The following SGMS1 variants were observed in gnomAD, a reference collection of about 807,000 sequenced individuals.
SGMS1 encodes the protein phosphatidylcholine:ceramide cholinephosphotransferase 1.
In SGMS1, 13 loss-of-function variants were observed where a neutral mutation model predicts 46.2. The observed-to-expected ratio is 0.28, with a 90% CI of 0.18 to 0.45. The LOEUF is 0.45. Ranked by LOEUF, SGMS1 falls within the 20% of genes least tolerant of loss-of-function variation. The pLI is 1.00. For missense variants in SGMS1, 324 were observed against 519.9 expected (o/e 0.62, Z 3.66); for synonymous variants, 203 against 187.8 (o/e 1.08, Z -0.66).
In SGMS1 at chr10:50,596,747, G is replaced by A. The variant is rs190851935; in HGVS notation, c.-683-6500C>T. Among the ~76,000 whole-genome samples the A allele has an allele frequency of 5.2e-3, 785 of 152,312 alleles. 7 individuals carry two copies. Among genetic ancestry groups the A allele is most frequent in the South Asian group, 0.025 (122 of 4,826 alleles). On this transcript the variant is annotated intron_variant, in intron 1 of 10. Coordinates refer to ENST00000361781, the MANE Select transcript of SGMS1 (RefSeq NM_147156.4). ...CTAACATTTACTCAGAATACATCATGAGCCAGATCTCCTGCTCAGCATGTT... is the reference window on the plus strand; with the variant it reads ...CTAACATTTACTCAGAATACATCATAAGCCAGATCTCCTGCTCAGCATGTT...
chr10:50,494,032 C>T (rs190685805), intron 3 of SGMS1, among the ~76,000 whole-genome samples: 46 of 152,318 alleles, frequency 3.0e-4, no homozygotes, highest in African/African-American at 1.1e-3. Flanking sequence ...CTCCTGGCCT[C>T]GTGATCCACC....
At chr10:50,444,337 G>A (rs373992511) in intron 5 of SGMS1, among the ~76,000 whole-genome samples, 15 of 152,070 alleles carry the variant, frequency 9.9e-5, no homozygotes, top group African/African-American at 3.4e-4. Context: ...GAAGACTACA[G>A]ACTTATATCC....
At chr10:50,408,547 G>T (rs528236971) in intron 6 of SGMS1, among the ~76,000 whole-genome samples, 1 of 152,174 alleles carries the variant, frequency 6.6e-6, no homozygotes, top group African/African-American at 2.4e-5. Flanking sequence ...GCTGGGTGTG[G>T]TGGCACGCAC....
At position 50,394,028 on chromosome 10, in the gene SGMS1, G is replaced by A. The variant is rs1171642322; in HGVS notation, c.-232+39448C>T. Among the ~76,000 whole-genome samples, 7 of 152,120 alleles carry A rather than the reference G, an allele frequency of 4.6e-5. No individual in the cohort carries two copies. In the South Asian group the frequency reaches 6.2e-4, roughly 14 times the overall value. On this transcript the variant is annotated intron_variant, in intron 6 of 10. Transcript: ENST00000361781. ...TCTATATAGATACCACAAAAGGAGT[G>A]GAAAAAACTGCCATACAAGCCAATT...
intron 6 of SGMS1, among the ~76,000 whole-genome samples, chr10:50,417,803 G>A (rs1422015451): frequency 6.6e-6 from 1 of 152,154 alleles, no homozygotes; most frequent in African/African-American, 2.4e-5. Flanking sequence ...TCATGCCACG[G>A]CAGTTAGCAT....
chr10:50,448,015 C>T (rs1436274260), intron 5 of SGMS1, among the ~76,000 whole-genome samples: 1 of 152,152 alleles, frequency 6.6e-6, no homozygotes, highest in Non-Finnish European at 1.5e-5. Context: ...GTAGTGACTC[C>T]CTCAAAATGA....
At chr10:50,340,768 T>C (rs1847804781) in intron 7 of SGMS1, 1 of 152,254 alleles carries the variant, frequency 6.6e-6, no homozygotes, top group South Asian at 2.1e-4. Flanking sequence ...CTCAAACATT[T>C]GGTTAAAGGG....
At chr10:50,539,673 T>C (rs1221930646) in intron 2 of SGMS1, among the ~76,000 whole-genome samples, 1 of 152,230 alleles carries the variant, frequency 6.6e-6, no homozygotes, top group African/African-American at 2.4e-5. Flanking sequence ...CTGATACAGG[T>C]GATCCATGGG....
chr10:50,580,535 G>A (rs1383237168), intron 2 of SGMS1, among the ~76,000 whole-genome samples: 1 of 151,874 alleles, frequency 6.6e-6, no homozygotes, highest in African/African-American at 2.4e-5. Flanking sequence ...CACAGGACTA[G>A]AAAGAGCGGG....
intron 6 of SGMS1, among the ~76,000 whole-genome samples, chr10:50,414,574 T>C (rs1434377600): frequency 1.3e-5 from 2 of 152,236 alleles, no homozygotes; most frequent in African/African-American, 4.8e-5. Context: ...ACATGGATTA[T>C]ATAATTTAAT....
intron 3 of SGMS1, among the ~76,000 whole-genome samples, chr10:50,513,287 A>G (rs1837773372): frequency 6.6e-6 from 1 of 152,216 alleles, no homozygotes; most frequent in South Asian, 2.1e-4. Flanking sequence ...GTCCCTGGGA[A>G]AAACAGCGAA....
intron 8 of SGMS1, among the ~76,000 whole-genome samples, chr10:50,318,094 A>C (rs187981248): frequency 9.8e-4 from 149 of 152,312 alleles, no homozygotes; most frequent in African/African-American, 3.3e-3. Flanking sequence ...GCGTGAGCCA[A>C]CTTGCCCGGC....
At chr10:50,587,470 T>TA (rs1588885098) in intron 2 of SGMS1, among the ~76,000 whole-genome samples, 3 of 152,100 alleles carry the variant, frequency 2.0e-5, no homozygotes, top group African/African-American at 7.2e-5. Flanking sequence ...GTGTCTCTAC[T>TA]AAAAATACAA....
rs1847176909 is a variant in SGMS1, at chr10:50,305,910, C to T, written c.*1232G>A. ...TTGGCAAGTATAGAATAGAATACTT[C>T]CCCAAACATATGTATGTTAGGAGTA... On this transcript the variant is annotated 3_prime_UTR_variant, in exon 11 of 11. Transcript: ENST00000361781. 6.6e-6 allele frequency: 1 copy of T among 152,652 alleles called. No individual in the cohort carries two copies. Among genetic ancestry groups the T allele is most frequent in the Non-Finnish European group, 1.5e-5 (1 of 68,004 alleles). 9.5% of individuals were successfully genotyped at this position (152,652 alleles called of 1,614,324 possible).
intron 6 of SGMS1, among the ~76,000 whole-genome samples, chr10:50,413,274 A>C (rs1298879227): frequency 6.6e-6 from 1 of 152,192 alleles, no homozygotes; most frequent in Non-Finnish European, 1.5e-5. Context: ...ATTCCAGCAA[A>C]GGTGTATCTG....
chr10:50,391,004 T>G (rs1038525741), intron 6 of SGMS1, among the ~76,000 whole-genome samples: 1 of 152,186 alleles, frequency 6.6e-6, no homozygotes, highest in East Asian at 1.9e-4. Context: ...AGAGGGGCTA[T>G]GCACTCTGCC....
intron 3 of SGMS1, among the ~76,000 whole-genome samples, chr10:50,479,429 G>A (rs760064587): frequency 8.5e-5 from 13 of 152,064 alleles, no homozygotes; most frequent in Non-Finnish European, 1.9e-4. Context: ...GGAGTCCCAA[G>A]GCAAAACAGA....
In SGMS1 at chr10:50,435,660, C is replaced by A. The variant is rs1849465267; in HGVS notation, c.-312-2104G>T. Among the ~76,000 whole-genome samples the A allele has an allele frequency of 4.6e-5, 7 of 152,252 alleles. No homozygotes were observed. The South Asian group carries it at 1.5e-3, about 32-fold the overall frequency. ...CCTGAAAAGAGGGAATGAATCACTT[C>A]CATTAGTGCTAATTCTTCTGGTGTA... On this transcript the variant is annotated intron_variant, in intron 5 of 10. Transcript: ENST00000361781.
chr10:50,619,330 G>C (rs1838826361), intron 1 of SGMS1, among the ~76,000 whole-genome samples: 1 of 152,078 alleles, frequency 6.6e-6, no homozygotes, highest in Admixed American at 6.6e-5. Flanking sequence ...CAAATAAAAT[G>C]TTAAGGTTCT....
Sources: allele counts gnomAD v4.1 joint callset (sites outside exome capture counted in the v4.1 genomes callset), GRCh38; gene constraint gnomAD v4.1.1; transcripts MANE v1.5; gene names NCBI Gene and HGNC (gene_info 2026-07-23, HGNC 2026-07-21).